Variants in GPHN observed in about 807,000 individuals in gnomAD.
The protein encoded by GPHN is gephyrin.
In GPHN, 17 loss-of-function variants were observed where a neutral mutation model predicts 95.5. That is an observed-to-expected ratio of 0.18 (90% CI 0.12 to 0.27). The LOEUF is 0.27. GPHN is among the 10% of genes least tolerant of loss of function. GPHN has a pLI of 1.00. For missense variants in GPHN, 660 were observed against 978.1 expected, an observed-to-expected ratio of 0.67 and a Z score of 4.34; for synonymous variants, 320 against 322.5, an observed-to-expected ratio of 0.99 and a Z score of 0.08.
chr14:66,508,973 C>A, intron 1 of GPHN: 1 of 314,150 alleles, frequency 3.2e-6, no homozygotes, highest in South Asian at 2.9e-5. Context: ...GCGCATCCTC[C>A]GCTAGTGCTC....
At chr14:66,599,209 A>G (rs1031655083) in intron 1 of GPHN, among the ~76,000 whole-genome samples, 1 of 152,060 alleles carries the variant, frequency 6.6e-6, no homozygotes, top group Non-Finnish European at 1.5e-5. Flanking sequence ...AGTTTTTTCC[A>G]TGGGTAGAGT....
intron 3 of GPHN, among the ~76,000 whole-genome samples, chr14:66,796,053 T>G (rs1213824951): frequency 6.6e-6 from 1 of 152,168 alleles, no homozygotes; most frequent in African/African-American, 2.4e-5. Flanking sequence ...ATCGTTTTAA[T>G]TTTTAGATCC....
intron 4 of GPHN, among the ~76,000 whole-genome samples, chr14:66,849,247 A>T (rs929579181): frequency 6.6e-6 from 1 of 151,942 alleles, no homozygotes. Flanking sequence ...GTTCTACAAA[A>T]AAATTGGGAT....
At chr14:67,215,397 T>A in the GPHN span, among the ~76,000 whole-genome samples, 9 of 142,264 alleles carry the variant, frequency 6.3e-5, no homozygotes, top group South Asian at 2.1e-3. Flanking sequence ...CCCAGAACAC[T>A]GATCTATTGT....
the GPHN span, among the ~76,000 whole-genome samples, chr14:67,512,583 C>T: frequency 6.6e-6 from 1 of 152,192 alleles, no homozygotes; most frequent in Non-Finnish European, 1.5e-5. Context: ...CAGCCAGGCT[C>T]TGGGAGGGTT....
the GPHN span, chr14:67,575,402 G>A: frequency 6.2e-7 from 1 of 1,604,394 alleles, no homozygotes; most frequent in Non-Finnish European, 8.5e-7. Context: ...GTAAAGCATG[G>A]CCACTCCAAG....
chr14:66,717,374 A>G (rs2070283630), intron 2 of GPHN, among the ~76,000 whole-genome samples: 1 of 151,872 alleles, frequency 6.6e-6, no homozygotes, highest in African/African-American at 2.4e-5. Flanking sequence ...TATGCTGTCT[A>G]TTTCATTGAA....
the GPHN span, chr14:67,613,551 T>C: frequency 3.0e-5 from 6 of 199,898 alleles, no homozygotes; most frequent in South Asian, 5.0e-4. Flanking sequence ...TCCCCACCAA[T>C]AAAACAGATC....
intron 2 of GPHN, among the ~76,000 whole-genome samples, chr14:66,746,714 A>G (rs956438366): frequency 2.6e-5 from 4 of 152,086 alleles, no homozygotes; most frequent in South Asian, 4.2e-4. Flanking sequence ...TTCTTTCTGC[A>G]GTTTTACGAC....
chr14:66,778,838 T>C (rs1002134428), intron 3 of GPHN, among the ~76,000 whole-genome samples: 3 of 146,610 alleles, frequency 2.0e-5, no homozygotes, highest in African/African-American at 7.6e-5. Context: ...TGGGTTCAAG[T>C]GATTTTCCTG....
Position 66,681,521 on chromosome 14 carries a change from T to A in GPHN, c.143+336T>A, listed in dbSNP as rs966821911. On this transcript the variant is annotated intron_variant, in intron 2 of 22. Coordinates refer to ENST00000478722, the MANE Select transcript of GPHN (RefSeq NM_020806.5). ...AATTTGTTTACAACAATTTGAAGTT[T>A]TTTGAATATATTGTTTATAGTAATT... Among the ~76,000 whole-genome samples the A allele has an allele frequency of 5.9e-5, 9 of 152,138 alleles. 1 individual carries two copies. The highest frequency in any genetic ancestry group is 2.2e-4 in the African/African-American group (9 of 41,448).
At chr14:66,617,606 A>G (rs997409) in intron 1 of GPHN, among the ~76,000 whole-genome samples, 47,196 of 151,934 alleles carry the variant, frequency 0.31, 11,184 homozygotes, top group African/African-American at 0.64. Flanking sequence ...TCTTATTATG[A>G]TTCTTTTCAA....
chr14:67,026,150 A>G (rs1384177927), intron 10 of GPHN, among the ~76,000 whole-genome samples: 1 of 152,178 alleles, frequency 6.6e-6, no homozygotes, highest in Non-Finnish European at 1.5e-5. Flanking sequence ...CAGTATCTCT[A>G]TGCCTCACTT....
At chr14:66,582,560 G>A (rs1294207429) in intron 1 of GPHN, among the ~76,000 whole-genome samples, 1 of 150,128 alleles carries the variant, frequency 6.7e-6, no homozygotes. Flanking sequence ...ACAGTCCCCA[G>A]TGTGTGATGT....
chr14:66,680,925 G>C (rs997291645), intron 1 of GPHN, among the ~76,000 whole-genome samples, 182 bp from the exon 2 acceptor site: 6 of 150,682 alleles, frequency 4.0e-5, no homozygotes, highest in African/African-American at 1.5e-4. Context: ...ATGTTGGCTT[G>C]TTTAGAATAT....
chr14:66,934,155 AAAG>A (rs2066976290), intron 8 of GPHN, among the ~76,000 whole-genome samples: 1 of 151,814 alleles, frequency 6.6e-6, no homozygotes, highest in Non-Finnish European at 1.5e-5. Context: ...AAAAAAAAAA[AAAG>A]AGTTCACAGC....
At chr14:67,383,240 G>C in the GPHN span, 3 of 1,491,994 alleles carry the variant, frequency 2.0e-6, no homozygotes, top group Non-Finnish European at 2.7e-6. Context: ...GAAAACATTA[G>C]GCAGTAATAG....
the GPHN span, chr14:67,572,203 A>G: frequency 6.2e-7 from 1 of 1,609,352 alleles, no homozygotes; most frequent in Non-Finnish European, 8.5e-7. Flanking sequence ...CTCACTGGAC[A>G]GTGACTACTC....
chr14:66,753,142 G>T (rs552153971), intron 2 of GPHN, among the ~76,000 whole-genome samples: 89 of 152,068 alleles, frequency 5.9e-4, no homozygotes, highest in Admixed American at 1.1e-3. Flanking sequence ...CCCACTGTTG[G>T]GGGTGGAGTG....
Sources: allele counts gnomAD v4.1 joint callset (sites outside exome capture counted in the v4.1 genomes callset), GRCh38; gene constraint gnomAD v4.1.1; transcripts MANE v1.5; gene names NCBI Gene and HGNC (gene_info 2026-07-23, HGNC 2026-07-21).